Variants in GPC5 observed in about 807,000 individuals in gnomAD.
GPC5 encodes the protein glypican-5.
A neutral mutation model predicts 53.9 loss-of-function variants in GPC5; 47 were observed. That is an observed-to-expected ratio of 0.87 (90% confidence interval 0.69 to 1.11). GPC5 has a LOEUF of 1.11. Among genes scored for constraint, GPC5 ranks in the 50% most tolerant of loss-of-function variants. GPC5 has a pLI of 0.00. For missense variants in GPC5, 748 were observed against 713.1 expected, an observed-to-expected ratio of 1.05 and a Z score of -0.56; for synonymous variants, 286 against 263.3, an observed-to-expected ratio of 1.09 and a Z score of -0.84.
chr13:91,653,326 A>G (rs1390527853), intron 2 of GPC5, among the ~76,000 whole-genome samples: 1 of 152,166 alleles, frequency 6.6e-6, no homozygotes, highest in Non-Finnish European at 1.5e-5. Flanking sequence ...CCATCAACAA[A>G]CAATTGAACT....
intron 7 of GPC5, among the ~76,000 whole-genome samples, chr13:92,308,011 T>A (rs2139206222): frequency 6.6e-6 from 1 of 152,288 alleles, no homozygotes; most frequent in Non-Finnish European, 1.5e-5. Flanking sequence ...AACGATTAAG[T>A]CTCTTATTGA....
chr13:92,643,153 A>T (rs902256757), intron 7 of GPC5, among the ~76,000 whole-genome samples: 9 of 151,904 alleles, frequency 5.9e-5, no homozygotes, highest in African/African-American at 1.7e-4. Context: ...GGTTGCGAAA[A>T]TTTTCTCCCA....
chr13:92,166,981 CACACACACACACACAT>C (rs2042036020), intron 7 of GPC5, among the ~76,000 whole-genome samples: 2 of 151,490 alleles, frequency 1.3e-5, no homozygotes, highest in African/African-American at 4.9e-5. Context: ...CACACACACA[CACACACACACACACAT>C]ATACACACGC....
chr13:92,031,162 C>T (rs1051739410), intron 6 of GPC5, among the ~76,000 whole-genome samples: 2 of 152,088 alleles, frequency 1.3e-5, no homozygotes, highest in Admixed American at 6.6e-5. Context: ...GTTCATGTGC[C>T]TTACTCAGCC....
chr13:92,411,089 A>G (rs1227513439), intron 7 of GPC5, among the ~76,000 whole-genome samples: 1 of 152,032 alleles, frequency 6.6e-6, no homozygotes, highest in Non-Finnish European at 1.5e-5. Flanking sequence ...AAACAAACAA[A>G]CAAAAAAGAC....
chr13:91,580,695 G>T (rs971573202), intron 2 of GPC5, among the ~76,000 whole-genome samples: 1 of 152,148 alleles, frequency 6.6e-6, no homozygotes, highest in Non-Finnish European at 1.5e-5. Flanking sequence ...CACCCTTTAG[G>T]ATAAGCTCTT....
intron 3 of GPC5, among the ~76,000 whole-genome samples, chr13:91,725,875 A>G (rs2036565732): frequency 6.6e-6 from 1 of 152,170 alleles, no homozygotes; most frequent in Non-Finnish European, 1.5e-5. Flanking sequence ...GAAGTTCCAT[A>G]ACTTGCCTCA....
chr13:92,566,742 C>T (rs966452345), intron 7 of GPC5, among the ~76,000 whole-genome samples: 21 of 152,086 alleles, frequency 1.4e-4, no homozygotes. Context: ...ATTTATTCTT[C>T]AGTTGTATTG....
chr13:91,699,040 G>A (rs2035941123), intron 3 of GPC5, among the ~76,000 whole-genome samples: 1 of 152,188 alleles, frequency 6.6e-6, no homozygotes, highest in African/African-American at 2.4e-5. Context: ...TCATTCTTAG[G>A]GTGAAATAGA....
intron 2 of GPC5, among the ~76,000 whole-genome samples, chr13:91,510,355 G>A (rs1286799335): frequency 6.6e-6 from 1 of 152,134 alleles, no homozygotes; most frequent in Non-Finnish European, 1.5e-5. Context: ...TGAAAACTGA[G>A]CACAGAAACG....
At chr13:91,608,933 A>G (rs1033822944) in intron 2 of GPC5, among the ~76,000 whole-genome samples, 1 of 149,588 alleles carries the variant, frequency 6.7e-6, no homozygotes, top group African/African-American at 2.4e-5. Flanking sequence ...GTTTATTTAG[A>G]ATTTTGTTAG....
chr13:92,497,898 AT>A (rs1414007742), intron 7 of GPC5, among the ~76,000 whole-genome samples: 1 of 151,648 alleles, frequency 6.6e-6, no homozygotes, highest in Admixed American at 6.6e-5. Flanking sequence ...CTGCTTGTCT[AT>A]TCTTGGTATA....
intron 2 of GPC5, among the ~76,000 whole-genome samples, chr13:91,515,834 G>A (rs1451270666): frequency 6.6e-6 from 1 of 152,170 alleles, no homozygotes; most frequent in Non-Finnish European, 1.5e-5. Context: ...AGAAGAAAAA[G>A]AGGTTTAATT....
At chr13:92,115,715 G>C (rs769481516) in intron 6 of GPC5, among the ~76,000 whole-genome samples, 1 of 152,142 alleles carries the variant, frequency 6.6e-6, no homozygotes, top group Non-Finnish European at 1.5e-5. Flanking sequence ...GTGTGTATCA[G>C]TTGTTACTGT....
chr13:92,470,114 C>T (rs1327543161), intron 7 of GPC5, among the ~76,000 whole-genome samples: 4 of 152,090 alleles, frequency 2.6e-5, no homozygotes, highest in Admixed American at 6.6e-5. Flanking sequence ...AATCACTCAG[C>T]TTGTTCGTGT....
intron 5 of GPC5, among the ~76,000 whole-genome samples, chr13:91,783,473 G>A (rs956112542): frequency 2.0e-5 from 3 of 151,976 alleles, no homozygotes; most frequent in Non-Finnish European, 2.9e-5. Context: ...TCACTCTGTC[G>A]CTCAGGCTGG....
intron 7 of GPC5, among the ~76,000 whole-genome samples, chr13:92,203,076 A>C (rs896327400): frequency 6.6e-6 from 1 of 152,220 alleles, no homozygotes; most frequent in Admixed American, 6.5e-5. Context: ...AGTTGATGAC[A>C]AACTGGATGT....
chr13:92,171,925 T>G (rs1354913868), intron 7 of GPC5, among the ~76,000 whole-genome samples: 1 of 152,188 alleles, frequency 6.6e-6, no homozygotes, highest in African/African-American at 2.4e-5. Context: ...CCAAGAGAGC[T>G]TCCTTGTACT....
At chr13:92,423,502 A>G (rs1310216993) in intron 7 of GPC5, among the ~76,000 whole-genome samples, 1 of 152,186 alleles carries the variant, frequency 6.6e-6, no homozygotes, top group Non-Finnish European at 1.5e-5. Context: ...TAATCTCATT[A>G]AGCAATTGGA....
Sources: gnomAD v4.1 joint callset for allele counts (sites outside exome capture counted in the v4.1 genomes callset) on GRCh38, gnomAD v4.1.1 for gene constraint, MANE v1.5 for transcripts, NCBI Gene and HGNC (gene_info 2026-07-23, HGNC 2026-07-21) for gene names.